The following ERICH3 variants were observed in gnomAD, a reference collection of about 807,000 sequenced individuals.
ERICH3 encodes glutamate rich 3.
ERICH3 carries 126 observed loss-of-function variants against 131.1 expected under a neutral mutation model. The ratio of observed to expected loss-of-function variants is 0.96; its 90% confidence interval spans 0.83 to 1.11. ERICH3 has a LOEUF of 1.11. Ranked by LOEUF, ERICH3 falls within the 50% of genes most tolerant of loss-of-function variation. The pLI, the probability that ERICH3 is intolerant of heterozygous loss-of-function variation, is 0.00. For missense variants in ERICH3, 2,050 were observed against 1,810.7 expected (o/e 1.13, Z -2.40); for synonymous variants, 695 against 644.6 (o/e 1.08, Z -1.18).
At chr1:74,635,400 G>A (rs1646379300) in intron 6 of ERICH3, among the ~76,000 whole-genome samples, 1 of 152,070 alleles carries the variant, frequency 6.6e-6, no homozygotes, top group South Asian at 2.1e-4. Flanking sequence ...TATTTTTAGA[G>A]TTGTATTTAT....
At chr1:74,669,117 G>A (rs1337811385) in intron 1 of ERICH3, among the ~76,000 whole-genome samples, 1 of 152,060 alleles carries the variant, frequency 6.6e-6, no homozygotes, top group Non-Finnish European at 1.5e-5. Flanking sequence ...TTTTTAATCT[G>A]CCTTCGATGA....
chr1:74,635,579 C>G (rs1390231095), intron 6 of ERICH3, among the ~76,000 whole-genome samples: 1 of 151,992 alleles, frequency 6.6e-6, no homozygotes, highest in Non-Finnish European at 1.5e-5. Flanking sequence ...CAGGTTTTTT[C>G]TTAAGCTGGC....
Position 74,649,215 on chromosome 1 carries a change from A to G in ERICH3, c.117+7T>C. 1 of 1,593,700 alleles carries G rather than the reference A, an allele frequency of 6.3e-7. No homozygotes were observed. The highest frequency in any genetic ancestry group is 8.6e-7 in the Non-Finnish European group (1 of 1,168,684). ...AGAAGGTCAGTGGAAAGTAAACCAAAACTTACCAGTCCTGATCTTAAGAGA... is the reference window on the plus strand; with the variant it reads ...AGAAGGTCAGTGGAAAGTAAACCAAGACTTACCAGTCCTGATCTTAAGAGA... On this transcript the variant is annotated splice_region_variant and intron_variant, in intron 2 of 14. Transcript: ENST00000326665.
chr1:74,638,999 A>G (rs191231164), intron 5 of ERICH3, among the ~76,000 whole-genome samples: 16 of 152,294 alleles, frequency 1.1e-4, no homozygotes, highest in Middle Eastern at 6.8e-3. Context: ...GTTTTCATAC[A>G]CAAACCTATG....
chr1:74,655,112 A>G (rs183397037), intron 1 of ERICH3, among the ~76,000 whole-genome samples: 1 of 152,302 alleles, frequency 6.6e-6, no homozygotes, highest in East Asian at 1.9e-4. Flanking sequence ...AATCTCTTAA[A>G]TATATATTCC....
intron 12 of ERICH3, chr1:74,577,387 G>C (rs1647084008): frequency 1.3e-5 from 2 of 155,478 alleles, no homozygotes; most frequent in South Asian, 2.0e-4. Flanking sequence ...TTCCTCGGTG[G>C]CTTCCCACCC....
rs1484869969 is a variant in ERICH3 at position 74,570,237 on chromosome 1, T to G, written c.*221A>C. On this transcript the variant is annotated 3_prime_UTR_variant, in exon 15 of 15. Transcript: ENST00000326665. Reference sequence around the variant, plus strand: ...AGTTTCTCCATGAGGAACCACTGCTTCTAAGAAGGGTCCTACAGATCTACT... The same window carrying G: ...AGTTTCTCCATGAGGAACCACTGCTGCTAAGAAGGGTCCTACAGATCTACT... 2.0e-5 allele frequency: 3 copies of G among 152,188 alleles called. No homozygotes were observed. The highest frequency in any genetic ancestry group is 2.4e-5 in the African/African-American group (1 of 41,432). 9.4% of individuals were successfully genotyped at this position (152,188 alleles called of 1,614,324 possible).
chr1:74,621,673 G>T (rs1649226704), intron 7 of ERICH3: 1 of 152,170 alleles, frequency 6.6e-6, no homozygotes, highest in African/African-American at 2.4e-5. Context: ...AAAATATGCA[G>T]TAAATGTGTA....
chr1:74,582,199 C>T (rs78360001), intron 12 of ERICH3, among the ~76,000 whole-genome samples: 2,509 of 152,224 alleles, frequency 0.016, 82 homozygotes, highest in African/African-American at 0.057. Flanking sequence ...TACTTCCTCA[C>T]GGCTCACCCC....
chr1:74,622,428 G>A lies in ERICH3; in HGVS notation c.820-1514C>T, dbSNP rs185681796. The A allele has an allele frequency of 1.3e-4, 20 of 152,270 alleles. No homozygotes were observed. The East Asian group carries it at 3.7e-3, about 28-fold the overall frequency. 9.4% of individuals were successfully genotyped at this position (152,270 alleles called of 1,614,324 possible). A position where few individuals can be genotyped will look rare whatever the true frequency, so the allele number is the denominator to read the frequency against. ...TCCCTGAATCACAGTTGAAGCAAAG[G>A]GGATGATGCCAGGTCTGACTCCTAC... On this transcript the variant is annotated intron_variant, in intron 7 of 14. Coordinates refer to ENST00000326665, the MANE Select transcript of ERICH3 (RefSeq NM_001002912.5).
intron 11 of ERICH3, among the ~76,000 whole-genome samples, chr1:74,591,512 A>G (rs766216217): frequency 7.2e-5 from 11 of 152,164 alleles, no homozygotes; most frequent in Admixed American, 1.3e-4. Context: ...CCAGTAGTCC[A>G]GGGCAGTCCT....
At chr1:74,636,573 C>T in intron 5 of ERICH3, 135 bp from the exon 6 acceptor site, 1 of 855,318 alleles carries the variant, frequency 1.2e-6, no homozygotes, top group Non-Finnish European at 1.8e-6. Flanking sequence ...TAATTATGTC[C>T]TTCCATTATA....
chr1:74,652,276 T>C (rs1224870730), intron 1 of ERICH3, among the ~76,000 whole-genome samples: 3 of 152,154 alleles, frequency 2.0e-5, no homozygotes, highest in Non-Finnish European at 2.9e-5. Flanking sequence ...TGCATGCATA[T>C]ACATGTGACC....
chr1:74,584,085 C>G (rs572417854), intron 12 of ERICH3, among the ~76,000 whole-genome samples: 1 of 152,228 alleles, frequency 6.6e-6, no homozygotes, highest in East Asian at 1.9e-4. Context: ...TGTAGCCAGT[C>G]GATTACCTTC....
chr1:74,585,921 A>G (rs1321078319), intron 12 of ERICH3, among the ~76,000 whole-genome samples: 1 of 152,098 alleles, frequency 6.6e-6, no homozygotes, highest in East Asian at 1.9e-4. Context: ...TTAGCCCCCC[A>G]ACTGTTATAA....
intron 10 of ERICH3, among the ~76,000 whole-genome samples, chr1:74,601,876 T>A (rs1268086604): frequency 6.6e-6 from 1 of 151,868 alleles, no homozygotes; most frequent in South Asian, 2.1e-4. Context: ...ATCTGTAACA[T>A]GGGTAATACA....
chr1:74,608,718 C>G (rs1224826905), intron 9 of ERICH3, among the ~76,000 whole-genome samples: 2 of 152,046 alleles, frequency 1.3e-5, no homozygotes, highest in Non-Finnish European at 2.9e-5. Context: ...ACTTATCTCA[C>G]CCATATTAAG....
Position 74,606,941 on chromosome 1 carries a change from G to A in ERICH3, c.1188-39C>T, listed in dbSNP as rs114244294. 781 of 1,550,944 alleles carry A rather than the reference G, an allele frequency of 5.0e-4. 6 individuals are homozygous for A. In the African/African-American group the frequency reaches 9.8e-3, roughly 19 times the overall value. On this transcript the variant is annotated intron_variant, in intron 9 of 14. Transcript: ENST00000326665. ...TAGCAGGAAGTGTTTGTTAACCCTTGTAGACAGCACAATGGAACCTCAAAG... is the reference window on the plus strand; with the variant it reads ...TAGCAGGAAGTGTTTGTTAACCCTTATAGACAGCACAATGGAACCTCAAAG...
At chr1:74,661,739 C>T (rs994384126) in intron 1 of ERICH3, among the ~76,000 whole-genome samples, 1 of 151,940 alleles carries the variant, frequency 6.6e-6, no homozygotes, top group African/African-American at 2.4e-5. Flanking sequence ...TCACTGAGTA[C>T]CTATTATATG....
Sources: gnomAD v4.1 joint callset for allele counts (sites outside exome capture counted in the v4.1 genomes callset) on GRCh38, gnomAD v4.1.1 for gene constraint, MANE v1.5 for transcripts, NCBI Gene and HGNC (gene_info 2026-07-23, HGNC 2026-07-21) for gene names.